The following FRMD4A variants were observed in gnomAD, a reference collection of about 807,000 sequenced individuals.
The protein encoded by FRMD4A is FERM domain-containing protein 4A.
A neutral mutation model predicts 129.1 loss-of-function variants in FRMD4A; 29 were observed. The observed-to-expected ratio is 0.22, with a 90% confidence interval of 0.17 to 0.31. FRMD4A has a LOEUF of 0.31. Among genes scored for constraint, FRMD4A ranks in the 10% least tolerant of loss-of-function variants. The pLI, the probability that FRMD4A is intolerant of heterozygous loss-of-function variation, is 1.00. For synonymous variants in FRMD4A, 634 were observed against 571.6 expected, an observed-to-expected ratio of 1.11 and a Z score of -1.56; for missense variants, 1,272 against 1,375.8, an observed-to-expected ratio of 0.92 and a Z score of 1.19.
At chr10:14,154,750 C>T (rs930712000) in intron 2 of FRMD4A, among the ~76,000 whole-genome samples, 7 of 152,144 alleles carry the variant, frequency 4.6e-5, no homozygotes, top group Non-Finnish European at 7.3e-5. Context: ...TATATTGCCC[C>T]GTGCTGGGTT....
chr10:14,005,273 C>T (rs573915171), intron 2 of FRMD4A, among the ~76,000 whole-genome samples: 3 of 152,292 alleles, frequency 2.0e-5, no homozygotes, highest in Non-Finnish European at 2.9e-5. Flanking sequence ...CCGACCAGCT[C>T]GGTCTCCCAA....
intron 2 of FRMD4A, among the ~76,000 whole-genome samples, chr10:13,939,724 C>T (rs78948336): frequency 6.6e-6 from 1 of 152,288 alleles, no homozygotes; most frequent in African/African-American, 2.4e-5. Context: ...TGCACAGTGA[C>T]CCCCTCTCAG....
chr10:14,202,544 G>T (rs1041657879), intron 2 of FRMD4A, among the ~76,000 whole-genome samples: 3 of 152,098 alleles, frequency 2.0e-5, no homozygotes, highest in Admixed American at 2.0e-4. Flanking sequence ...GGGATTACAG[G>T]TGAGCAGCAC....
chr10:13,785,779 AC>A, intron 5 of FRMD4A, among the ~76,000 whole-genome samples: 1 of 93,124 alleles, frequency 1.1e-5, no homozygotes, highest in African/African-American at 4.5e-5. Context: ...CCTACCCCCC[AC>A]CCCACGACAG....
chr10:13,996,761 C>G (rs187953486), intron 2 of FRMD4A, among the ~76,000 whole-genome samples: 28 of 152,318 alleles, frequency 1.8e-4, no homozygotes, highest in Middle Eastern at 3.4e-3. Flanking sequence ...TCTACAAGAA[C>G]TCCACGAGAT....
intron 2 of FRMD4A, among the ~76,000 whole-genome samples, chr10:13,908,487 T>A (rs2094906658): frequency 6.6e-6 from 1 of 152,238 alleles, no homozygotes; most frequent in African/African-American, 2.4e-5. Context: ...CAACTTATTT[T>A]CCATTCAACA....
intron 2 of FRMD4A, among the ~76,000 whole-genome samples, chr10:14,123,973 A>G (rs1838683408): frequency 6.6e-6 from 1 of 152,136 alleles, no homozygotes; most frequent in Non-Finnish European, 1.5e-5. Flanking sequence ...CCTTATAAGG[A>G]TGCAGAGGAT....
At chr10:13,698,025 C>T (rs1232836564) in intron 14 of FRMD4A, among the ~76,000 whole-genome samples, 1 of 146,908 alleles carries the variant, frequency 6.8e-6, no homozygotes, top group Non-Finnish European at 1.5e-5. Flanking sequence ...CCAGCACAGC[C>T]TCCCTCCGCC....
intron 2 of FRMD4A, among the ~76,000 whole-genome samples, chr10:14,119,200 C>T (rs1158230606): frequency 6.6e-6 from 1 of 152,154 alleles, no homozygotes; most frequent in East Asian, 1.9e-4. Flanking sequence ...TCCGTCCCTG[C>T]TGGCACCTGG....
At chr10:13,897,539 T>A (rs1174299214) in intron 2 of FRMD4A, among the ~76,000 whole-genome samples, 2 of 152,216 alleles carry the variant, frequency 1.3e-5, no homozygotes, top group Non-Finnish European at 2.9e-5. Context: ...CGAGACCCTA[T>A]GCCTGCTGAG....
intron 5 of FRMD4A, among the ~76,000 whole-genome samples, chr10:13,791,402 G>GT (rs2092996299): frequency 1.3e-5 from 2 of 149,922 alleles, no homozygotes; most frequent in African/African-American, 4.9e-5. Context: ...AGAAATAAAA[G>GT]GTGTGTGTGT....
chr10:13,675,567 A>ATT (rs1564581383), intron 15 of FRMD4A: 4 of 153,352 alleles, frequency 2.6e-5, no homozygotes, highest in African/African-American at 7.2e-5. Context: ...ACACCCGGCT[A>ATT]ATTTTGTATT....
At chr10:13,973,767 CAGGGAGGGAGGGTGAA>C (rs140715906) in intron 2 of FRMD4A, among the ~76,000 whole-genome samples, 19,120 of 149,166 alleles carry the variant, frequency 0.13, 3,049 homozygotes, top group African/African-American at 0.37. Flanking sequence ...AGGAGGAAGG[CAGGGAGGGAGGGTGAA>C]AGGGAGGGAG....
chr10:13,947,281 A>C (rs759022029), intron 2 of FRMD4A, among the ~76,000 whole-genome samples: 2 of 152,296 alleles, frequency 1.3e-5, no homozygotes, highest in South Asian at 2.1e-4. Flanking sequence ...CTCTATATAC[A>C]CTTAATCTTC....
intron 2 of FRMD4A, among the ~76,000 whole-genome samples, chr10:14,054,179 C>T (rs902772313): frequency 3.3e-5 from 5 of 152,066 alleles, no homozygotes; most frequent in Non-Finnish European, 5.9e-5. Flanking sequence ...CAAAAAAGAC[C>T]CCTGTGGTTT....
chr10:14,002,615 G>A (rs796326187), intron 2 of FRMD4A, among the ~76,000 whole-genome samples: 19 of 152,314 alleles, frequency 1.2e-4, no homozygotes, highest in African/African-American at 4.6e-4. Context: ...ACCCAGGGGT[G>A]TTCCCTGTCC....
chr10:13,886,429 C>T (rs766869467), intron 2 of FRMD4A, among the ~76,000 whole-genome samples: 2 of 152,116 alleles, frequency 1.3e-5, no homozygotes, highest in Non-Finnish European at 2.9e-5. Flanking sequence ...AGGACCAGGA[C>T]TCCGGACTTT....
chr10:13,715,515 A>G (rs1298361584), intron 12 of FRMD4A, among the ~76,000 whole-genome samples: 2 of 152,190 alleles, frequency 1.3e-5, no homozygotes, highest in African/African-American at 4.8e-5. Context: ...TCTTTGAAAT[A>G]ATAGGAATAA....
rs188071880 is a variant in FRMD4A, at chr10:14,317,442, G to A, written c.45+12616C>T. 7.9e-5 allele frequency among the ~76,000 whole-genome samples: 12 copies of A among 152,258 alleles called. No individual in the cohort carries two copies. In the East Asian group the frequency reaches 1.9e-3, roughly 24 times the overall value. ...AGCTCTACTTTAGAAGTCTCTGCAC[G>A]GTGTTCCTGTGCTTTATAGCATTTT... is the stretch of plus-strand genomic sequence containing the variant. On this transcript the variant is annotated intron_variant, in intron 2 of 24. Coordinates refer to ENST00000357447, the MANE Select transcript of FRMD4A (RefSeq NM_018027.5).
Sources: allele counts gnomAD v4.1 joint callset (sites outside exome capture counted in the v4.1 genomes callset), GRCh38; gene constraint gnomAD v4.1.1; transcripts MANE v1.5; gene names NCBI Gene and HGNC (gene_info 2026-07-23, HGNC 2026-07-21).